CCL17: variants seen among roughly 807,000 people sequenced by gnomAD.
CCL17 encodes C-C motif chemokine 17.
CCL17 carries 8 observed loss-of-function variants against 7.4 expected under a neutral mutation model. That is an observed-to-expected ratio of 1.09 (90% CI 0.64 to 1.96). The LOEUF (loss-of-function observed/expected upper bound fraction) is 1.96, where lower values mean the gene tolerates loss of function less well. Ranked by LOEUF, CCL17 falls within the 30% of genes most tolerant of loss-of-function variation. CCL17 has a pLI of 0.00. For synonymous variants in CCL17, 40 were observed against 46.1 expected, an observed-to-expected ratio of 0.87 and a Z score of 0.54; for missense variants, 102 against 113.0, an observed-to-expected ratio of 0.90 and a Z score of 0.44.
chr16:57,403,781 C>T (rs1393102149), upstream of CCL17, among the ~76,000 whole-genome samples: 10 of 143,336 alleles, frequency 7.0e-5, no homozygotes, highest in Admixed American at 6.2e-4. Flanking sequence ...CTCAGCCTCC[C>T]AAGTACCTGG....
chr16:57,411,902 G>C (rs1446945732), intron 1 of CCL17, among the ~76,000 whole-genome samples: 2 of 152,204 alleles, frequency 1.3e-5, no homozygotes, highest in Non-Finnish European at 2.9e-5. Context: ...TGGCACCAAA[G>C]AGGTGCCCAG....
intron 1 of CCL17, among the ~76,000 whole-genome samples, chr16:57,411,855 G>T (rs1200932350): frequency 6.6e-6 from 1 of 152,238 alleles, no homozygotes; most frequent in African/African-American, 2.4e-5. Flanking sequence ...TCTGCGGGGA[G>T]CTACTCTGAG....
intron 1 of CCL17, among the ~76,000 whole-genome samples, chr16:57,412,335 G>A (rs892806098): frequency 1.3e-5 from 2 of 152,166 alleles, no homozygotes; most frequent in Non-Finnish European, 2.9e-5. Context: ...GGAGAGGAGC[G>A]CCTGAGGCTC....
chr16:57,402,604 G>A (rs1032182401), upstream of CCL17, among the ~76,000 whole-genome samples: 13 of 152,194 alleles, frequency 8.5e-5, no homozygotes, highest in Admixed American at 8.5e-4. Flanking sequence ...TGCCTTTGAA[G>A]TAGCTTGGAA....
At chr16:57,400,142 G>A (rs1375315465), upstream of CCL17, among the ~76,000 whole-genome samples, 7 of 151,966 alleles carry the variant, frequency 4.6e-5, 1 homozygote, top group Admixed American at 2.6e-4. Flanking sequence ...GGCGGATCAC[G>A]AGGTCAGGAG....
chr16:57,414,649 G>A (rs1598014479), intron 2 of CCL17, among the ~76,000 whole-genome samples: 1 of 152,000 alleles, frequency 6.6e-6, no homozygotes, highest in South Asian at 2.1e-4. Flanking sequence ...CACCCGCCTT[G>A]GCCTCCCAAA....
At position 57,415,642 on chromosome 16, in the gene CCL17, C is replaced by G; in HGVS notation, c.189-123C>G. On this transcript the variant is annotated intron_variant, in intron 3 of 3. Coordinates refer to ENST00000219244, the MANE Select transcript of CCL17 (RefSeq NM_002987.3). The surrounding 1 kb of genome is among the most constrained non-coding windows in gnomAD (Gnocchi z 4.5). ...GATCTGCCACCAATGCCCTGTGTGA[C>G]AGCAGCAACTTCCTGCCCCTCTTGG... 1 of 670,240 alleles carries G rather than the reference C, an allele frequency of 1.5e-6. No homozygotes were observed. The highest frequency in any genetic ancestry group is 2.7e-6 in the Non-Finnish European group (1 of 365,890). The allele number at this position is 670,240 out of a possible 1,614,324, so 41.5% of individuals were successfully genotyped here.
Position 57,415,037 on chromosome 16 carries a change from C to G in CCL17, c.71-44C>G, listed in dbSNP as rs764335922. 20 of 1,313,452 alleles carry G rather than the reference C, an allele frequency of 1.5e-5. No homozygotes were observed. The East Asian group carries it at 3.7e-4, about 24-fold the overall frequency. 81.4% of individuals were successfully genotyped at this position (1,313,452 alleles called of 1,614,324 possible). ...CCCCCAGAGGTCCCCGCAACACACA[C>G]GCAGACACTCACAGACACCCCTGCC... On this transcript the variant is annotated intron_variant, in intron 2 of 3. Coordinates refer to ENST00000219244, the MANE Select transcript of CCL17 (RefSeq NM_002987.3). This position sits in a 1 kb window ranked among gnomAD's most constrained non-coding sequence, Gnocchi z 4.5.
In CCL17 at chr16:57,415,659, C is replaced by T. The variant is rs1598015040; in HGVS notation, c.189-106C>T. The T allele has an allele frequency of 1.4e-6, 1 of 724,120 alleles. No homozygotes were observed. The highest frequency in any genetic ancestry group is 2.6e-5 in the East Asian group (1 of 38,462). 44.9% of individuals were successfully genotyped at this position (724,120 alleles called of 1,614,324 possible). On this transcript the variant is annotated intron_variant, in intron 3 of 3. Transcript: ENST00000219244. The surrounding 1 kb of genome is among the most constrained non-coding windows in gnomAD (Gnocchi z 4.5). ...CTGTGTGACAGCAGCAACTTCCTGC[C>T]CCTCTTGGAGCCTTGGAATCCTGGT...
At chr16:57,408,204 C>T (rs1277877496) in intron 1 of CCL17, among the ~76,000 whole-genome samples, 1 of 151,826 alleles carries the variant, frequency 6.6e-6, no homozygotes, top group Non-Finnish European at 1.5e-5. Context: ...CATCCATACA[C>T]ACATCCACCC....
chr16:57,411,405 G>A (rs1319783717), intron 1 of CCL17, among the ~76,000 whole-genome samples: 1 of 152,180 alleles, frequency 6.6e-6, no homozygotes, highest in African/African-American at 2.4e-5. Flanking sequence ...TTCCACTGCT[G>A]CTTTCATGAT....
chr16:57,415,088 G>C lies in CCL17; in HGVS notation c.78G>C (p.Gly26=). 6.2e-7 allele frequency: 1 copy of C among 1,612,626 alleles called. No individual in the cohort carries two copies. The highest frequency in any genetic ancestry group is 8.5e-7 in the Non-Finnish European group (1 of 1,178,710). Residue 26 remains glycine, a synonymous_variant, in exon 3 of 4, where the codon GGG becomes GGC. Transcript: ENST00000219244. The surrounding 1 kb of genome is among the most constrained non-coding windows in gnomAD (Gnocchi z 4.5). ...ASLQHIHAAR[G]TNVGRECCLE... ...CCGCTCCTCTCCCTGCAGCTCGAGG[G>C]ACCAATGTGGGCCGGGAGTGCTGCC...
upstream of CCL17, among the ~76,000 whole-genome samples, chr16:57,400,100 C>T (rs1902570660): frequency 6.6e-6 from 1 of 152,190 alleles, no homozygotes; most frequent in Non-Finnish European, 1.5e-5. Context: ...TGGCTCACGC[C>T]TGTAATCCCA....
Position 57,415,129 on chromosome 16 carries a change from G to A in CCL17, c.119G>A (p.Gly40Glu), listed in dbSNP as rs372792230. The A allele has an allele frequency of 2.6e-4, 419 of 1,613,966 alleles. 1 individual carries two copies. Among genetic ancestry groups the A allele is most frequent in the Non-Finnish European group, 3.3e-4 (391 of 1,179,970 alleles). The change falls in exon 3 of 4, where the codon GGA (glycine) becomes GAA (glutamate). Residue 40 changes from glycine (G) to glutamate (E), a missense_variant. Physicochemically the swap from Gly to Glu is moderately conservative, Grantham distance 98. Transcript: ENST00000219244. This position sits in a 1 kb window ranked among gnomAD's most constrained non-coding sequence, Gnocchi z 4.5. ...GAGTGCTGCCTGGAGTACTTCAAGG[G>A]AGCCATTCCCCTTAGAAAGCTGAAG... Reference protein sequence around the residue: ...GRECCLEYFKGAIPLRKLKTW... With the variant: ...GRECCLEYFKEAIPLRKLKTW...
upstream of CCL17, among the ~76,000 whole-genome samples, chr16:57,404,456 C>A (rs1352305751): frequency 6.6e-6 from 1 of 151,960 alleles, no homozygotes; most frequent in Non-Finnish European, 1.5e-5. Context: ...AGGTTTCTGG[C>A]CCTAGTAACC....
At chr16:57,406,839 A>G (rs1278202130) in intron 1 of CCL17, among the ~76,000 whole-genome samples, 2 of 152,200 alleles carry the variant, frequency 1.3e-5, no homozygotes, top group African/African-American at 4.8e-5. Flanking sequence ...ACCAGGAACA[A>G]GTAGAAGAGT....
chr16:57,396,602 G>C, the CCL17 span, among the ~76,000 whole-genome samples: 1 of 152,168 alleles, frequency 6.6e-6, no homozygotes, highest in Non-Finnish European at 1.5e-5. Context: ...GGGGTCCAGG[G>C]GTGAATGGTC....
chr16:57,403,367 AAT>A (rs1233321053), upstream of CCL17, among the ~76,000 whole-genome samples: 114 of 27,218 alleles, frequency 4.2e-3, 21 homozygotes, highest in African/African-American at 0.024. Context: ...TATATATTAT[AAT>A]ATATATAACA....
At chr16:57,407,655 C>A (rs1902716873) in intron 1 of CCL17, among the ~76,000 whole-genome samples, 1 of 152,072 alleles carries the variant, frequency 6.6e-6, no homozygotes, top group African/African-American at 2.4e-5. Flanking sequence ...CATACACCCA[C>A]CCATCCATCA....
Sources: allele counts gnomAD v4.1 joint callset (sites outside exome capture counted in the v4.1 genomes callset), GRCh38; gene constraint gnomAD v4.1.1; non-coding constraint Gnocchi (gnomAD v3.1); transcripts MANE v1.5; gene names NCBI Gene and HGNC (gene_info 2026-07-23, HGNC 2026-07-21).